The following TULP4 variants were observed in gnomAD, a reference collection of about 807,000 sequenced individuals.
TULP4 encodes the protein TUB like protein 4.
A neutral mutation model predicts 129.0 loss-of-function variants in TULP4; 16 were observed. The ratio of observed to expected loss-of-function variants is 0.12; its 90% CI spans 0.08 to 0.19. TULP4 has a LOEUF of 0.19. Among genes scored for constraint, TULP4 ranks in the 10% least tolerant of loss-of-function variants. The pLI is 1.00. For missense variants in TULP4, 1,842 were observed against 2,059.1 expected (o/e 0.89, Z 2.04); for synonymous variants, 998 against 854.0 (o/e 1.17, Z -2.94).
chr6:158,506,723 C>T lies in TULP4; in HGVS notation c.*29C>T. The T allele has an allele frequency of 1.4e-6, 2 of 1,473,264 alleles. No individual in the cohort carries two copies. Among genetic ancestry groups the T allele is most frequent in the South Asian group, 1.1e-5 (1 of 88,082 alleles). The allele number at this position is 1,473,264 out of a possible 1,614,324, so 91.3% of individuals were successfully genotyped here. On this transcript the variant is annotated 3_prime_UTR_variant, in exon 14 of 14. Transcript: ENST00000367097. ...GACTGGTGTGGGGAGGAGAGAGATG[C>T]AGAGAGCCTTTGGAAGAGGTCTTCG...
chr6:158,323,697 A>G (rs2128488346), intron 1 of TULP4, among the ~76,000 whole-genome samples: 1 of 152,350 alleles, frequency 6.6e-6, no homozygotes, highest in East Asian at 1.9e-4. Flanking sequence ...TGAGAAGCTC[A>G]GGGCTACATC....
At chr6:158,394,059 C>T (rs1294138343) in intron 1 of TULP4, among the ~76,000 whole-genome samples, 1 of 152,172 alleles carries the variant, frequency 6.6e-6, no homozygotes, top group Non-Finnish European at 1.5e-5. Flanking sequence ...TAGGAGCAGC[C>T]AGGCTACATC....
rs1186881485 is a variant in TULP4, at chr6:158,493,487, C to T, written c.1632-86C>T. The T allele has an allele frequency of 3.0e-6, 4 of 1,348,504 alleles. No homozygotes were observed. The highest frequency in any genetic ancestry group is 3.8e-6 in the Non-Finnish European group (4 of 1,040,920). The allele number at this position is 1,348,504 out of a possible 1,614,324, so 83.5% of individuals were successfully genotyped here. A position where few individuals can be genotyped will look rare whatever the true frequency, so the allele number is the denominator to read the frequency against. On this transcript the variant is annotated intron_variant, in intron 9 of 13. Coordinates refer to ENST00000367097, the MANE Select transcript of TULP4 (RefSeq NM_020245.5). The surrounding 1 kb of genome is among the most constrained non-coding windows in gnomAD (Gnocchi z 4.4). ...GAACCCAACACCCAGGCTGGCTGTCCAGAAAAAGAAAGGACTGCTGGAGTC... is the reference window on the plus strand; with the variant it reads ...GAACCCAACACCCAGGCTGGCTGTCTAGAAAAAGAAAGGACTGCTGGAGTC...
Position 158,489,689 on chromosome 6 carries a change from T to C in TULP4, c.1588T>C (p.Ser530Pro), listed in dbSNP as rs1357579838. The C allele has an allele frequency of 6.2e-7, 1 of 1,614,080 alleles. No individual in the cohort carries two copies. The highest frequency in any genetic ancestry group is 1.1e-5 in the South Asian group (1 of 91,070). Reference sequence around the variant, plus strand: ...GAGTGATGACTGGGCTGCCAAGAAATCTCCCAAAATCTCCAGAGCTAGCAA... The same window carrying C: ...GAGTGATGACTGGGCTGCCAAGAAACCTCCCAAAATCTCCAGAGCTAGCAA... Reference protein sequence around the residue: ...ELSDDWAAKKSPKISRASKSP... With the variant: ...ELSDDWAAKKPPKISRASKSP... Residue 530 changes from serine to proline, a missense_variant, in exon 9 of 14, where the codon TCT becomes CCT. Around this residue, in one of 5 missense-constraint regions of TULP4, gnomAD observed 456 missense variants for 534.3 expected, o/e 0.85. Transcript: ENST00000367097.
chr6:158,350,884 C>T (rs1178841016), intron 1 of TULP4, among the ~76,000 whole-genome samples: 1 of 152,004 alleles, frequency 6.6e-6, no homozygotes, highest in Non-Finnish European at 1.5e-5. Flanking sequence ...CCTCAGACTC[C>T]TTGGTGGCTG....
intron 8 of TULP4, among the ~76,000 whole-genome samples, chr6:158,484,689 A>G (rs1014221665): frequency 6.6e-6 from 1 of 152,208 alleles, no homozygotes; most frequent in Non-Finnish European, 1.5e-5. Context: ...ATGAGGACAC[A>G]GCGAAAAGAC....
At chr6:158,317,246 C>T (rs1188655406) in intron 1 of TULP4, among the ~76,000 whole-genome samples, 15 of 151,974 alleles carry the variant, frequency 9.9e-5, no homozygotes, top group African/African-American at 1.5e-4. Context: ...ATACATGTGC[C>T]GTGTTGGTTT....
At chr6:158,241,028 G>A (rs1583667260) in intron 1 of TULP4, among the ~76,000 whole-genome samples, 1 of 138,778 alleles carries the variant, frequency 7.2e-6, no homozygotes, top group Non-Finnish European at 1.6e-5. Flanking sequence ...TCACTTCTCA[G>A]ATGGGGCGGC....
chr6:158,426,635 T>C (rs1778501151), intron 2 of TULP4, among the ~76,000 whole-genome samples: 1 of 152,194 alleles, frequency 6.6e-6, no homozygotes, highest in Non-Finnish European at 1.5e-5. Flanking sequence ...TGTAGTATAG[T>C]TTGAAGTCAG....
intron 1 of TULP4, among the ~76,000 whole-genome samples, chr6:158,341,311 G>A (rs1780175725): frequency 6.6e-6 from 1 of 152,002 alleles, no homozygotes; most frequent in African/African-American, 2.4e-5. Context: ...GTGTGTATAT[G>A]CCACACTTTT....
intron 6 of TULP4, among the ~76,000 whole-genome samples, chr6:158,475,877 A>T (rs912124381): frequency 9.9e-5 from 15 of 152,226 alleles, no homozygotes; most frequent in African/African-American, 3.4e-4. Flanking sequence ...AATACCAGTA[A>T]ACAGCCAGGG....
chr6:158,241,256 TTCCAGACTGGGCA>T (rs1284057624), intron 1 of TULP4, among the ~76,000 whole-genome samples: 2 of 118,308 alleles, frequency 1.7e-5, no homozygotes. Context: ...GCTCCTCACT[TTCCAGACTGGGCA>T]GCCAGGCAGA....
At chr6:158,309,044 C>A (rs1779281660), upstream of TULP4, among the ~76,000 whole-genome samples, 1 of 141,940 alleles carries the variant, frequency 7.0e-6, no homozygotes. Context: ...ACCCCCACCT[C>A]CCTCCCGGAC....
chr6:158,259,688 C>T (rs1778314888), intron 1 of TULP4, among the ~76,000 whole-genome samples: 1 of 152,232 alleles, frequency 6.6e-6, no homozygotes, highest in Non-Finnish European at 1.5e-5. Flanking sequence ...TTCTGCAAGG[C>T]TGCTCTCATG....
intron 6 of TULP4, among the ~76,000 whole-genome samples, chr6:158,479,269 C>T (rs1409978144): frequency 6.6e-6 from 1 of 152,174 alleles, no homozygotes; most frequent in Non-Finnish European, 1.5e-5. Flanking sequence ...TGAGTTACTG[C>T]ACCACAAGGT....
At chr6:158,444,595 G>A (rs748871718) in intron 3 of TULP4, among the ~76,000 whole-genome samples, 1 of 152,080 alleles carries the variant, frequency 6.6e-6, no homozygotes, top group Non-Finnish European at 1.5e-5. Context: ...GATGTGTAGG[G>A]TCCAAAGACA....
At chr6:158,291,235 G>C (rs200668991) in intron 1 of TULP4, among the ~76,000 whole-genome samples, 2 of 152,070 alleles carry the variant, frequency 1.3e-5, no homozygotes, top group East Asian at 3.8e-4. Flanking sequence ...GTTATATTGC[G>C]AGGTCAGTTG....
intron 1 of TULP4, among the ~76,000 whole-genome samples, chr6:158,332,353 C>T (rs1779931057): frequency 6.6e-6 from 1 of 151,698 alleles, no homozygotes; most frequent in Non-Finnish European, 1.5e-5. Flanking sequence ...AGGTGTGGTT[C>T]AGCCTAGCAC....
chr6:158,474,904 G>A (rs751204136), intron 6 of TULP4, among the ~76,000 whole-genome samples: 6 of 152,178 alleles, frequency 3.9e-5, no homozygotes, highest in Non-Finnish European at 8.8e-5. Context: ...TACTTCACCT[G>A]TATTTATTCT....
Sources: allele counts gnomAD v4.1 joint callset (sites outside exome capture counted in the v4.1 genomes callset), GRCh38; gene constraint gnomAD v4.1.1; regional missense constraint gnomAD v4.1.1; non-coding constraint Gnocchi (gnomAD v3.1); transcripts MANE v1.5; gene names NCBI Gene and HGNC (gene_info 2026-07-23, HGNC 2026-07-21).